PARP8: variants seen among roughly 807,000 people sequenced by gnomAD.
The protein encoded by PARP8 is poly(ADP-ribose) polymerase family member 8.
Under a neutral mutation model 124.1 loss-of-function variants are expected in PARP8, and 51 were observed. The ratio of observed to expected loss-of-function variants is 0.41; its 90% CI spans 0.33 to 0.52. PARP8 has a LOEUF of 0.52. Among genes scored for constraint, PARP8 ranks in the 20% least tolerant of loss-of-function variants. The pLI, the probability that PARP8 is intolerant of heterozygous loss-of-function variation, is 0.21. For missense variants in PARP8, 860 were observed against 1,018.9 expected (o/e 0.84, Z 2.12); for synonymous variants, 391 against 361.5 (o/e 1.08, Z -0.93).
chr5:50,751,321 C>G (rs535907573), intron 3 of PARP8, among the ~76,000 whole-genome samples: 1 of 151,920 alleles, frequency 6.6e-6, no homozygotes, highest in African/African-American at 2.4e-5. Flanking sequence ...CATTGAAATT[C>G]TAAAAAAAGT....
chr5:50,815,810 C>G (rs569689910), intron 15 of PARP8, among the ~76,000 whole-genome samples: 39 of 152,176 alleles, frequency 2.6e-4, no homozygotes, highest in African/African-American at 8.9e-4. Flanking sequence ...TATTGAAACC[C>G]TCGTGCATGC....
intron 9 of PARP8, among the ~76,000 whole-genome samples, chr5:50,783,971 T>A (rs544633575): frequency 7.2e-4 from 110 of 152,344 alleles, no homozygotes; most frequent in African/African-American, 2.4e-3. Context: ...TCTTTTACAG[T>A]GATATTTACA....
At chr5:50,788,625 T>C in intron 10 of PARP8, 36 bp downstream of exon 10, 1 of 1,523,838 alleles carries the variant, frequency 6.6e-7, no homozygotes, top group Non-Finnish European at 9.1e-7. Flanking sequence ...AAATTTCTGC[T>C]AAAGAGAACT....
intron 2 of PARP8, chr5:50,741,744 T>C (rs1486405294): frequency 7.8e-6 from 3 of 383,700 alleles, no homozygotes; most frequent in African/African-American, 6.5e-5. Context: ...TCTTCATCCT[T>C]TTACCTTAGT....
At chr5:50,782,652 C>T (rs1194442270) in intron 9 of PARP8, among the ~76,000 whole-genome samples, 1 of 152,186 alleles carries the variant, frequency 6.6e-6, no homozygotes, top group Non-Finnish European at 1.5e-5. Flanking sequence ...CAGTTTCCAT[C>T]TGTAAAGAAG....
chr5:50,709,946 A>ATG (rs1754578160), intron 2 of PARP8, among the ~76,000 whole-genome samples: 7 of 103,632 alleles, frequency 6.8e-5, no homozygotes, highest in Admixed American at 2.2e-4. Flanking sequence ...ATATATATAT[A>ATG]TATATATATA....
chr5:50,726,896 C>T (rs1756482772), intron 2 of PARP8, among the ~76,000 whole-genome samples: 1 of 152,088 alleles, frequency 6.6e-6, no homozygotes. Flanking sequence ...AATAACACAT[C>T]TCTCTGTTTC....
At chr5:50,743,929 C>T (rs1313234245) in intron 2 of PARP8, among the ~76,000 whole-genome samples, 1 of 152,030 alleles carries the variant, frequency 6.6e-6, no homozygotes, top group Middle Eastern at 3.4e-3. Context: ...ATAAAAGATA[C>T]GAGGATGTAG....
rs375494002 is a variant in PARP8 at position 50,711,075 on chromosome 5, T to C, written c.147-39076T>C. On this transcript the variant is annotated intron_variant, in intron 2 of 25. Transcript: ENST00000281631. ...CTTGTGGTGAATTGTTTGTTGCTACTGGTCGTCTGTAAAATAGCATCTTGA... is the reference window on the plus strand; with the variant it reads ...CTTGTGGTGAATTGTTTGTTGCTACCGGTCGTCTGTAAAATAGCATCTTGA... Among the ~76,000 whole-genome samples, 9 of 152,128 alleles carry C rather than the reference T, an allele frequency of 5.9e-5. No individual in the cohort carries two copies. The East Asian group carries it at 9.6e-4, about 16-fold the overall frequency.
In PARP8 at chr5:50,821,251, G is replaced by C; in HGVS notation, c.1707G>C (p.Leu569Phe). The change falls in exon 16 of 26, where the codon TTG (leucine) becomes TTC (phenylalanine). Residue 569 changes from leucine (L) to phenylalanine (F), a missense_variant. Leu to Phe is a conservative substitution (Grantham distance 22, BLOSUM62 0). Coordinates refer to ENST00000281631, the MANE Select transcript of PARP8 (RefSeq NM_024615.4). ...TAGTATCCATGTGTAGGTCTGCGTT[G>C]GAATCTCCTAGAAAAGTTGTGATTT... ...DLLVSMCRSA[L>F]ESPRKVVIFE... 1 of 1,613,828 alleles carries C rather than the reference G, an allele frequency of 6.2e-7. No homozygotes were observed. The highest frequency in any genetic ancestry group is 8.5e-7 in the Non-Finnish European group (1 of 1,179,876).
At chr5:50,829,284 C>T (rs1293543542) in intron 21 of PARP8, among the ~76,000 whole-genome samples, 4 of 152,058 alleles carry the variant, frequency 2.6e-5, no homozygotes, top group Admixed American at 2.6e-4. Flanking sequence ...AAATGAGATG[C>T]TTAACCCAGT....
chr5:50,690,324 GAA>G (rs983394443), intron 2 of PARP8, among the ~76,000 whole-genome samples: 3 of 152,166 alleles, frequency 2.0e-5, no homozygotes, highest in African/African-American at 7.2e-5. Context: ...CTTAAGAGTA[GAA>G]AAAATTGGAA....
intron 22 of PARP8, among the ~76,000 whole-genome samples, chr5:50,831,353 T>C (rs1746959256): frequency 6.6e-6 from 1 of 152,100 alleles, no homozygotes; most frequent in South Asian, 2.1e-4. Flanking sequence ...ATCCACTGAA[T>C]GCCGCTCAGC....
rs1287479124 is a variant in PARP8 at position 50,845,630 on chromosome 5, T to C, written c.*3562T>C. ...TGTCAGTTACTTCTGGACAATGTGG[T>C]AACATGGATATTTCAGTCACTGGTA... On this transcript the variant is annotated 3_prime_UTR_variant, in exon 26 of 26. Transcript: ENST00000281631. 6.6e-6 allele frequency: 1 copy of C among 151,808 alleles called. No individual in the cohort carries two copies. The highest frequency in any genetic ancestry group is 2.4e-5 in the African/African-American group (1 of 41,398). 9.4% of individuals were successfully genotyped at this position (151,808 alleles called of 1,614,324 possible).
chr5:50,841,918 G>T (rs761770863), intron 25 of PARP8, 48 bp from the exon 26 acceptor site: 3 of 1,347,120 alleles, frequency 2.2e-6, no homozygotes, highest in Admixed American at 3.8e-5. Flanking sequence ...TGTTTTAAAT[G>T]CTGCCATCTT....
chr5:50,818,888 C>T (rs1745426729), intron 15 of PARP8, among the ~76,000 whole-genome samples: 1 of 152,124 alleles, frequency 6.6e-6, no homozygotes, highest in Admixed American at 6.6e-5. Flanking sequence ...GTTTGATGGG[C>T]CACTTTCTGT....
At chr5:50,787,114 T>C (rs1741344199) in intron 9 of PARP8, among the ~76,000 whole-genome samples, 1 of 152,186 alleles carries the variant, frequency 6.6e-6, no homozygotes, top group Non-Finnish European at 1.5e-5. Context: ...ACTCTTCTTT[T>C]TTTTCATACC....
At chr5:50,829,240 A>AT (rs373157384) in intron 21 of PARP8, among the ~76,000 whole-genome samples, 19 of 152,090 alleles carry the variant, frequency 1.2e-4, no homozygotes, top group Admixed American at 4.6e-4. Context: ...CTGCAGCTGA[A>AT]TTTTTTTTCA....
At chr5:50,840,587 G>A (rs368312908) in intron 25 of PARP8, among the ~76,000 whole-genome samples, 3 of 151,792 alleles carry the variant, frequency 2.0e-5, no homozygotes, top group Non-Finnish European at 2.9e-5. Flanking sequence ...TTTAAGGATC[G>A]GAGATAGAGC....
Sources: gnomAD v4.1 joint callset for allele counts (sites outside exome capture counted in the v4.1 genomes callset) on GRCh38, gnomAD v4.1.1 for gene constraint, MANE v1.5 for transcripts, NCBI Gene and HGNC (gene_info 2026-07-23, HGNC 2026-07-21) for gene names.